The following PPP3CA variants were observed in gnomAD, a reference collection of about 807,000 sequenced individuals.
PPP3CA encodes protein phosphatase 3 catalytic subunit alpha, also known as CAM-PRP catalytic subunit.
In PPP3CA, 14 loss-of-function variants were observed where a neutral mutation model predicts 66.5. The observed-to-expected ratio is 0.21, with a 90% confidence interval of 0.14 to 0.33. PPP3CA has a LOEUF of 0.33. PPP3CA is among the 10% of genes least tolerant of loss of function. The pLI is 1.00. For missense variants in PPP3CA, 317 were observed against 639.5 expected (o/e 0.50, Z 5.44); for synonymous variants, 232 against 226.2 (o/e 1.03, Z -0.23).
intron 2 of PPP3CA, among the ~76,000 whole-genome samples, chr4:101,158,819 A>G (rs1723409916): frequency 6.6e-6 from 1 of 152,264 alleles, no homozygotes; most frequent in Non-Finnish European, 1.5e-5. Context: ...AATGGCAAAT[A>G]ATAGTTAAAG....
chr4:101,327,186 T>A (rs897800178), intron 1 of PPP3CA, among the ~76,000 whole-genome samples: 2 of 152,204 alleles, frequency 1.3e-5, no homozygotes, highest in African/African-American at 4.8e-5. Context: ...TACGCACATT[T>A]CCATTTTTTA....
intron 2 of PPP3CA, among the ~76,000 whole-genome samples, chr4:101,181,662 TA>T (rs1196784790): frequency 6.6e-6 from 1 of 151,946 alleles, no homozygotes; most frequent in Admixed American, 6.6e-5. Context: ...ACATTTGACA[TA>T]AAAAAGAAAC....
At chr4:101,040,195 C>T (rs1727448824) in intron 11 of PPP3CA, among the ~76,000 whole-genome samples, 1 of 152,072 alleles carries the variant, frequency 6.6e-6, no homozygotes, top group Non-Finnish European at 1.5e-5. Flanking sequence ...CTAAGATATT[C>T]AACCTACCGT....
intron 2 of PPP3CA, among the ~76,000 whole-genome samples, chr4:101,155,711 T>G (rs56181389): frequency 0.013 from 2,006 of 152,340 alleles, 17 homozygotes; most frequent in Middle Eastern, 0.02. Context: ...GGGAAGCACA[T>G]AACTACTTCA....
At chr4:101,059,829 A>C (rs1301322235) in intron 10 of PPP3CA, among the ~76,000 whole-genome samples, 1 of 152,130 alleles carries the variant, frequency 6.6e-6, no homozygotes, top group Non-Finnish European at 1.5e-5. Flanking sequence ...TTCAAAGAAT[A>C]GGTTTTTAAT....
intron 8 of PPP3CA, among the ~76,000 whole-genome samples, chr4:101,073,597 G>A (rs940982211): frequency 2.0e-5 from 3 of 151,806 alleles, no homozygotes; most frequent in African/African-American, 7.3e-5. Context: ...AATACTAAGA[G>A]GTTTTGTTTG....
At chr4:101,313,455 T>A (rs1241910412) in intron 1 of PPP3CA, among the ~76,000 whole-genome samples, 2 of 152,210 alleles carry the variant, frequency 1.3e-5, no homozygotes, top group African/African-American at 4.8e-5. Context: ...AAGTTCAAAT[T>A]AACATTCATA....
intron 10 of PPP3CA, among the ~76,000 whole-genome samples, chr4:101,060,778 T>C (rs1728429702): frequency 6.6e-6 from 1 of 152,092 alleles, no homozygotes; most frequent in African/African-American, 2.4e-5. Context: ...TGGTAACATC[T>C]GTTAGAAAAT....
intron 1 of PPP3CA, among the ~76,000 whole-genome samples, chr4:101,298,578 AC>A (rs1728268263): frequency 6.6e-6 from 1 of 152,040 alleles, no homozygotes; most frequent in Admixed American, 6.6e-5. Flanking sequence ...GTCCACTTCC[AC>A]TTAATGCATA....
chr4:101,082,998 G>GAT (rs1170993769), intron 7 of PPP3CA, among the ~76,000 whole-genome samples, 188 bp downstream of exon 7: 2 of 152,136 alleles, frequency 1.3e-5, no homozygotes, highest in Non-Finnish European at 2.9e-5. Flanking sequence ...GAGACTGTAC[G>GAT]ATACATCTGC....
intron 1 of PPP3CA, among the ~76,000 whole-genome samples, chr4:101,345,825 G>C (rs1729965036): frequency 6.6e-6 from 1 of 152,192 alleles, no homozygotes; most frequent in Admixed American, 6.5e-5. Flanking sequence ...GGCAATAATA[G>C]GAATCCAACA....
intron 1 of PPP3CA, among the ~76,000 whole-genome samples, chr4:101,226,675 A>T (rs187252025): frequency 5.3e-5 from 8 of 151,818 alleles, no homozygotes; most frequent in Non-Finnish European, 8.9e-5. Context: ...TTTACAAGTA[A>T]CATTTTTACT....
intron 1 of PPP3CA, among the ~76,000 whole-genome samples, chr4:101,207,719 G>A (rs1725177607): frequency 6.6e-6 from 1 of 152,066 alleles, no homozygotes; most frequent in Admixed American, 6.5e-5. Flanking sequence ...CCAGCTACTT[G>A]GGAGGCTGAG....
At chr4:101,183,887 C>T (rs1179834922) in intron 2 of PPP3CA, among the ~76,000 whole-genome samples, 2 of 152,116 alleles carry the variant, frequency 1.3e-5, no homozygotes, top group Non-Finnish European at 2.9e-5. Context: ...GATACACTTA[C>T]CCTATGAACC....
At chr4:101,232,477 T>G (rs988995077) in intron 1 of PPP3CA, among the ~76,000 whole-genome samples, 3 of 151,762 alleles carry the variant, frequency 2.0e-5, no homozygotes, top group African/African-American at 7.2e-5. Flanking sequence ...AGAGACAAAA[T>G]AAAATCAGCA....
rs202204155 is a variant in PPP3CA at position 101,275,876 on chromosome 4, T to G, written c.58+70863A>C. Reference sequence around the variant, plus strand: ...TGTATGTGTGGTTTTTTTTTTGTTTTTTGTTTGTTTGTTTGTTTTTTGTTT... The same window carrying G: ...TGTATGTGTGGTTTTTTTTTTGTTTGTTGTTTGTTTGTTTGTTTTTTGTTT... On this transcript the variant is annotated intron_variant, in intron 1 of 13. Transcript: ENST00000394854. 4.0e-5 allele frequency among the ~76,000 whole-genome samples: 4 copies of G among 100,188 alleles called. No individual in the cohort carries two copies. The South Asian group carries it at 1.3e-3, about 32-fold the overall frequency. 65.7% of individuals were successfully genotyped at this position (100,188 alleles called of 152,430 possible). A position where few individuals can be genotyped will look rare whatever the true frequency, so the allele number is the denominator to read the frequency against.
At chr4:101,308,119 A>G (rs1728604279) in intron 1 of PPP3CA, among the ~76,000 whole-genome samples, 1 of 152,240 alleles carries the variant, frequency 6.6e-6, no homozygotes, top group Non-Finnish European at 1.5e-5. Context: ...ATGTCCACAT[A>G]TGACAAGGAA....
rs535803321 is a variant in PPP3CA at position 101,127,459 on chromosome 4, G to T, written c.260-18381C>A. ...ACTTGAACACAGGCAGAATCAGAGAGGCCATGTAAAGATGGAGGCAGAAAA... is the reference window on the plus strand; with the variant it reads ...ACTTGAACACAGGCAGAATCAGAGATGCCATGTAAAGATGGAGGCAGAAAA... On this transcript the variant is annotated intron_variant, in intron 2 of 13. Coordinates refer to ENST00000394854, the MANE Select transcript of PPP3CA (RefSeq NM_000944.5). Among the ~76,000 whole-genome samples, 4 of 152,176 alleles carry T rather than the reference G, an allele frequency of 2.6e-5. No individual in the cohort carries two copies. The East Asian group carries it at 7.7e-4, about 29-fold the overall frequency.
intron 2 of PPP3CA, among the ~76,000 whole-genome samples, chr4:101,155,967 C>G (rs1315892470): frequency 6.6e-6 from 1 of 152,124 alleles, no homozygotes; most frequent in African/African-American, 2.4e-5. Flanking sequence ...TCCTCACAAC[C>G]ACCCTACAAG....
Sources: gnomAD v4.1 joint callset for allele counts (sites outside exome capture counted in the v4.1 genomes callset) on GRCh38, gnomAD v4.1.1 for gene constraint, MANE v1.5 for transcripts, NCBI Gene and HGNC (gene_info 2026-07-23, HGNC 2026-07-21) for gene names.